The following PPP2R2A variants were observed in gnomAD, a reference collection of about 807,000 sequenced individuals.
The protein encoded by PPP2R2A is protein phosphatase 2 regulatory subunit Balpha.
In PPP2R2A, 9 loss-of-function variants were observed where a neutral mutation model predicts 53.2. That is an observed-to-expected ratio of 0.17 (90% CI 0.10 to 0.30). The LOEUF is 0.30. Ranked by LOEUF, PPP2R2A falls within the 10% of genes least tolerant of loss-of-function variation. The pLI, the probability that PPP2R2A is intolerant of heterozygous loss-of-function variation, is 1.00. For missense variants in PPP2R2A, 235 were observed against 534.6 expected, an observed-to-expected ratio of 0.44 and a Z score of 5.53; for synonymous variants, 169 against 174.2, an observed-to-expected ratio of 0.97 and a Z score of 0.23.
chr8:26,347,181 T>G (rs1307582681), intron 3 of PPP2R2A, among the ~76,000 whole-genome samples: 1 of 152,092 alleles, frequency 6.6e-6, no homozygotes, highest in Non-Finnish European at 1.5e-5. Flanking sequence ...TCTTTTTTTT[T>G]TTTTTTAATC....
chr8:26,370,754 C>G lies in PPP2R2A; in HGVS notation c.*341C>G. On this transcript the variant is annotated 3_prime_UTR_variant, in exon 10 of 10. Coordinates refer to ENST00000380737, the MANE Select transcript of PPP2R2A (RefSeq NM_002717.4). The surrounding 1 kb of genome is among the most constrained non-coding windows in gnomAD (Gnocchi z 6.1). ...GTGATGACGTCAAACACAGTGAAAGCCTTCAGTCATGCTATGGGATTTAAT... is the reference window on the plus strand; with the variant it reads ...GTGATGACGTCAAACACAGTGAAAGGCTTCAGTCATGCTATGGGATTTAAT... 1 of 297,220 alleles carries G rather than the reference C, an allele frequency of 3.4e-6. No homozygotes were observed. The highest frequency in any genetic ancestry group is 7.4e-5 in the East Asian group (1 of 13,520). The allele number at this position is 297,220 out of a possible 1,614,324, so 18.4% of individuals were successfully genotyped here. A position where few individuals can be genotyped will look rare whatever the true frequency, so the allele number is the denominator to read the frequency against.
intron 9 of PPP2R2A, 143 bp from the exon 10 acceptor site, chr8:26,369,991 A>G: frequency 2.6e-6 from 2 of 756,734 alleles, no homozygotes; most frequent in Admixed American, 5.7e-5. Flanking sequence ...TATTCTAGTG[A>G]TTGAGTTGAT....
intron 9 of PPP2R2A, among the ~76,000 whole-genome samples, chr8:26,369,219 A>G (rs1354365231): frequency 1.3e-5 from 2 of 152,098 alleles, no homozygotes; most frequent in South Asian, 2.1e-4. Flanking sequence ...GAACCAGACA[A>G]TACCCTGAGA....
At chr8:26,341,065 T>A (rs1803915599) in intron 3 of PPP2R2A, among the ~76,000 whole-genome samples, 1 of 152,172 alleles carries the variant, frequency 6.6e-6, no homozygotes, top group Non-Finnish European at 1.5e-5. Context: ...CTCATTCTTC[T>A]TAACTATATT....
intron 2 of PPP2R2A, among the ~76,000 whole-genome samples, chr8:26,332,552 G>A (rs1323749321): frequency 6.6e-6 from 1 of 151,888 alleles, no homozygotes; most frequent in Non-Finnish European, 1.5e-5. Context: ...TTTGCCTTAG[G>A]ATACTCCTTT....
Position 26,360,213 on chromosome 8 carries a change from C to A in PPP2R2A, c.391C>A (p.Pro131Thr). 1 of 1,609,666 alleles carries A rather than the reference C, an allele frequency of 6.2e-7. No homozygotes were observed. Among genetic ancestry groups the A allele is most frequent in the Non-Finnish European group, 8.5e-7 (1 of 1,177,044 alleles). The change falls in exon 5 of 10, where the codon CCA becomes ACA. Residue 131 changes from proline to threonine, a missense_variant. By Grantham distance (38) the Pro-to-Thr change is conservative. Coordinates refer to ENST00000380737, the MANE Select transcript of PPP2R2A (RefSeq NM_002717.4). The surrounding 1 kb of genome is among the most constrained non-coding windows in gnomAD (Gnocchi z 4.5). ...LWKISERDKR[P>T]EGYNLKEEDG... ...GAAAATCAGTGAAAGGGACAAAAGA[C>A]CAGAAGGGTATAACTTGAAAGAGGA...
rs1012875239 is a variant in PPP2R2A at position 26,371,096 on chromosome 8, A to G, written c.*683A>G. On this transcript the variant is annotated 3_prime_UTR_variant, in exon 10 of 10. Transcript: ENST00000380737. ...GTCTGGCACTGAAAATAAGGAAAAA[A>G]AACCTACTACTGAATAAAAGTGACA... 1 of 152,544 alleles carries G rather than the reference A, an allele frequency of 6.6e-6. No homozygotes were observed. The highest frequency in any genetic ancestry group is 1.5e-5 in the Non-Finnish European group (1 of 68,032). The allele number at this position is 152,544 out of a possible 1,614,324, so 9.4% of individuals were successfully genotyped here.
intron 2 of PPP2R2A, among the ~76,000 whole-genome samples, chr8:26,326,900 A>G (rs1449544430): frequency 1.3e-5 from 2 of 152,208 alleles, no homozygotes; most frequent in East Asian, 3.9e-4. Context: ...TTAAAAAACC[A>G]CACCTATAGA....
chr8:26,291,957 CAGAGG>C (rs996948067), intron 1 of PPP2R2A, 131 bp downstream of exon 1: 57 of 1,024,432 alleles, frequency 5.6e-5, no homozygotes, highest in Non-Finnish European at 7.2e-5. Flanking sequence ...GAGTAGGGTC[CAGAGG>C]GGTGGGGTGG....
At chr8:26,339,671 T>G (rs1322643357) in intron 3 of PPP2R2A, among the ~76,000 whole-genome samples, 2 of 152,156 alleles carry the variant, frequency 1.3e-5, no homozygotes, top group Admixed American at 6.5e-5. Context: ...TTTTTCTTAT[T>G]CATTCTCTCC....
At chr8:26,322,129 C>CTAAT (rs1802870531) in intron 2 of PPP2R2A, among the ~76,000 whole-genome samples, 1 of 152,088 alleles carries the variant, frequency 6.6e-6, no homozygotes, top group Non-Finnish European at 1.5e-5. Flanking sequence ...TAAAGAGCAG[C>CTAAT]TAATTAGTTG....
intron 2 of PPP2R2A, among the ~76,000 whole-genome samples, chr8:26,303,052 C>G (rs1322646789): frequency 6.6e-6 from 1 of 152,208 alleles, no homozygotes; most frequent in East Asian, 1.9e-4. Flanking sequence ...GGTAAGTGAT[C>G]AGAATAGTGT....
intron 2 of PPP2R2A, among the ~76,000 whole-genome samples, chr8:26,308,427 TCAA>T (rs1232527173): frequency 6.6e-6 from 1 of 152,262 alleles, no homozygotes; most frequent in Non-Finnish European, 1.5e-5. Context: ...TGCTGCTTTA[TCAA>T]CTAAGTTTAT....
At chr8:26,310,092 C>T (rs1802206319) in intron 2 of PPP2R2A, among the ~76,000 whole-genome samples, 1 of 148,286 alleles carries the variant, frequency 6.7e-6, no homozygotes, top group East Asian at 2.1e-4. Context: ...ACCATCTTGG[C>T]CAACATGATG....
At chr8:26,308,889 G>A (rs531409730) in intron 2 of PPP2R2A, among the ~76,000 whole-genome samples, 3 of 152,012 alleles carry the variant, frequency 2.0e-5, no homozygotes, top group South Asian at 4.2e-4. Flanking sequence ...TTTTGAGATA[G>A]GGTCTCTGTT....
At chr8:26,294,864 C>T (rs1435174107) in intron 2 of PPP2R2A, among the ~76,000 whole-genome samples, 2 of 152,164 alleles carry the variant, frequency 1.3e-5, no homozygotes, top group Admixed American at 1.3e-4. Context: ...GCAGAGCTCT[C>T]TCACGTTCCT....
chr8:26,343,498 A>G (rs1804056663), intron 3 of PPP2R2A, among the ~76,000 whole-genome samples: 1 of 151,548 alleles, frequency 6.6e-6, no homozygotes, highest in South Asian at 2.1e-4. Context: ...CAGCCTCCTG[A>G]GTAGCTGGGA....
At chr8:26,366,178 T>C (rs751467814) in intron 8 of PPP2R2A, 137 bp from the exon 9 acceptor site, 1 of 670,368 alleles carries the variant, frequency 1.5e-6, no homozygotes, top group Non-Finnish European at 2.5e-6. Flanking sequence ...CCTTTATTGT[T>C]ACTGAGAAGA....
chr8:26,301,338 G>GTT (rs529357848), intron 2 of PPP2R2A, among the ~76,000 whole-genome samples: 18 of 126,474 alleles, frequency 1.4e-4, no homozygotes, highest in South Asian at 5.0e-4. Context: ...TCTTTTTTTT[G>GTT]TTTTTTTTTT....
Sources: allele counts gnomAD v4.1 joint callset (sites outside exome capture counted in the v4.1 genomes callset), GRCh38; gene constraint gnomAD v4.1.1; non-coding constraint Gnocchi (gnomAD v3.1); transcripts MANE v1.5; gene names NCBI Gene and HGNC (gene_info 2026-07-23, HGNC 2026-07-21).